The following PRKN variants were observed in gnomAD, a reference collection of about 807,000 sequenced individuals.
PRKN encodes the protein parkin RBR E3 ubiquitin protein ligase, also known as E3 ubiquitin-protein ligase parkin.
Under a neutral mutation model 59.5 loss-of-function variants are expected in PRKN, and 56 were observed. The ratio of observed to expected loss-of-function variants is 0.94; its 90% CI spans 0.76 to 1.18. PRKN has a LOEUF of 1.18. PRKN is among the 50% of genes most tolerant of loss of function. The pLI is 0.00. For missense variants in PRKN, 657 were observed against 596.4 expected, an observed-to-expected ratio of 1.10 and a Z score of -1.06; for synonymous variants, 250 against 222.1, an observed-to-expected ratio of 1.13 and a Z score of -1.12.
chr6:161,859,137 G>C (rs1195735307), intron 6 of PRKN, among the ~76,000 whole-genome samples: 1 of 151,612 alleles, frequency 6.6e-6, no homozygotes, highest in Non-Finnish European at 1.5e-5. Flanking sequence ...CCAAAGTGCT[G>C]GGATTACAGG....
chr6:162,003,593 T>C (rs1331628669), intron 5 of PRKN, among the ~76,000 whole-genome samples: 6 of 152,146 alleles, frequency 3.9e-5, no homozygotes, highest in Admixed American at 6.6e-5. Context: ...TTACTGATTA[T>C]TTACATGCTG....
At chr6:162,140,902 G>A (rs1430405791) in intron 4 of PRKN, among the ~76,000 whole-genome samples, 3 of 152,174 alleles carry the variant, frequency 2.0e-5, no homozygotes, top group Non-Finnish European at 4.4e-5. Context: ...GCCGAGGCGG[G>A]CAGATCACAA....
At chr6:162,075,256 C>T (rs186491975) in intron 4 of PRKN, among the ~76,000 whole-genome samples, 60 of 152,202 alleles carry the variant, frequency 3.9e-4, no homozygotes, top group African/African-American at 1.3e-3. Flanking sequence ...CCTCAGCTGG[C>T]TTTATGATCT....
At chr6:162,571,839 A>G (rs1370200489) in intron 1 of PRKN, among the ~76,000 whole-genome samples, 1 of 152,226 alleles carries the variant, frequency 6.6e-6, no homozygotes, top group Admixed American at 6.5e-5. Context: ...GAAAATGCAG[A>G]TAAGTAACTG....
chr6:161,946,974 T>C (rs193026166), intron 6 of PRKN, among the ~76,000 whole-genome samples: 1 of 152,338 alleles, frequency 6.6e-6, no homozygotes, highest in South Asian at 2.1e-4. Context: ...TGAACACTTC[T>C]GTAGATCTCA....
intron 4 of PRKN, among the ~76,000 whole-genome samples, chr6:162,055,999 ACG>A (rs1777845192): frequency 7.9e-5 from 3 of 38,102 alleles, no homozygotes; most frequent in Admixed American, 5.8e-4. Flanking sequence ...TCAGGCATGC[ACG>A]CACACAGGCA....
intron 6 of PRKN, among the ~76,000 whole-genome samples, chr6:161,875,777 G>A (rs143517518): frequency 0.015 from 2,209 of 152,176 alleles, 23 homozygotes; most frequent in Non-Finnish European, 0.023. Context: ...AAATGTGCCC[G>A]TGGTGACATA....
intron 7 of PRKN, among the ~76,000 whole-genome samples, chr6:161,715,906 C>G (rs1388523254): frequency 6.6e-6 from 1 of 152,208 alleles, no homozygotes; most frequent in Non-Finnish European, 1.5e-5. Flanking sequence ...CCAGCACCAT[C>G]AGCAACATCT....
intron 1 of PRKN, among the ~76,000 whole-genome samples, chr6:162,501,985 T>C (rs1793396782): frequency 6.6e-6 from 1 of 152,198 alleles, no homozygotes; most frequent in African/African-American, 2.4e-5. Flanking sequence ...ATTATTTTAA[T>C]AGGTCATCTA....
intron 7 of PRKN, among the ~76,000 whole-genome samples, chr6:161,735,936 G>A (rs2128189825): frequency 1.3e-5 from 2 of 152,044 alleles, no homozygotes; most frequent in South Asian, 2.1e-4. Context: ...AAAAAAAAGT[G>A]AGACTATAAA....
At chr6:162,500,830 ATAT>A (rs1462393285) in intron 1 of PRKN, among the ~76,000 whole-genome samples, 1 of 152,152 alleles carries the variant, frequency 6.6e-6, no homozygotes, top group African/African-American at 2.4e-5. Flanking sequence ...GGTATATTTA[ATAT>A]TATTTCTTAA....
At chr6:161,651,584 G>A (rs1784151420) in intron 7 of PRKN, among the ~76,000 whole-genome samples, 1 of 152,172 alleles carries the variant, frequency 6.6e-6, no homozygotes, top group Non-Finnish European at 1.5e-5. Flanking sequence ...GGGGCTGTGA[G>A]TAGCATAAGA....
At chr6:161,845,438 G>A (rs1342517279) in intron 6 of PRKN, among the ~76,000 whole-genome samples, 2 of 152,188 alleles carry the variant, frequency 1.3e-5, no homozygotes, top group African/African-American at 4.8e-5. Context: ...CCCCAAGGAT[G>A]CTAGCACACC....
chr6:162,627,482 T>C (rs2849509), intron 1 of PRKN, among the ~76,000 whole-genome samples: 96,237 of 151,902 alleles, frequency 0.63, 31,706 homozygotes, highest in African/African-American at 0.82. Flanking sequence ...ATCAGTGGCT[T>C]GTAAACAGGA....
At chr6:162,374,081 G>A (rs982846047) in intron 2 of PRKN, among the ~76,000 whole-genome samples, 9 of 152,176 alleles carry the variant, frequency 5.9e-5, no homozygotes, top group Admixed American at 2.0e-4. Context: ...TCTGTACAGG[G>A]AAAACTTTAG....
Position 162,682,910 on chromosome 6 carries a change from A to G in PRKN, c.7+44752T>C, listed in dbSNP as rs543196591. On this transcript the variant is annotated intron_variant, in intron 1 of 11. Transcript: ENST00000366898. ...ATCCCAAAATGAAATTTTCAGATAC[A>G]GAACTATACAAATAAGGTATACAGC... 1.8e-4 allele frequency among the ~76,000 whole-genome samples: 28 copies of G among 152,336 alleles called. 1 individual carries two copies. The South Asian group carries it at 5.6e-3, about 30-fold the overall frequency.
chr6:161,671,023 G>A (rs530710959), intron 7 of PRKN, among the ~76,000 whole-genome samples: 17 of 152,176 alleles, frequency 1.1e-4, no homozygotes, highest in East Asian at 1.9e-4. Context: ...GTGTTTTTTC[G>A]TGTGTTTTCT....
intron 1 of PRKN, among the ~76,000 whole-genome samples, chr6:162,703,995 A>G (rs1475720052): frequency 6.6e-6 from 1 of 151,964 alleles, no homozygotes; most frequent in East Asian, 1.9e-4. Context: ...AGGGAGGGGG[A>G]TTTGCTTTGT....
chr6:162,315,339 C>A (rs1019747635), intron 2 of PRKN, among the ~76,000 whole-genome samples: 1 of 152,112 alleles, frequency 6.6e-6, no homozygotes, highest in Non-Finnish European at 1.5e-5. Context: ...TGGCTTTATT[C>A]GGTTAATTCA....
Sources: gnomAD v4.1 joint callset for allele counts (sites outside exome capture counted in the v4.1 genomes callset) on GRCh38, gnomAD v4.1.1 for gene constraint, MANE v1.5 for transcripts, NCBI Gene and HGNC (gene_info 2026-07-23, HGNC 2026-07-21) for gene names.